The following PCDHGA10 variants were observed in gnomAD, a reference collection of about 807,000 sequenced individuals.
PCDHGA10 encodes protocadherin gamma-A10.
A neutral mutation model predicts 59.5 loss-of-function variants in PCDHGA10; 42 were observed. That is an observed-to-expected ratio of 0.71 (90% confidence interval 0.55 to 0.91). PCDHGA10 has a LOEUF of 0.91. PCDHGA10 is among the 40% of genes least tolerant of loss of function. The pLI is 0.00. For missense variants in PCDHGA10, 1,111 were observed against 1,198.2 expected, an observed-to-expected ratio of 0.93 and a Z score of 1.07; for synonymous variants, 511 against 517.2, an observed-to-expected ratio of 0.99 and a Z score of 0.16.
intron 1 of PCDHGA10, chr5:141,423,599 C>T (rs1185412610): frequency 6.2e-7 from 1 of 1,612,844 alleles, no homozygotes; most frequent in Non-Finnish European, 8.5e-7. Context: ...AAAAGCGAGC[C>T]ACTCTTGATA....
Position 141,491,574 on chromosome 5 carries a change from T to G in PCDHGA10, c.2437-3233T>G. Reference sequence around the variant, plus strand: ...AGAGCCACTGCTACAGGACGTGCTTTTCACCGGCCTCGGACGGCAGTGACT... The same window carrying G: ...AGAGCCACTGCTACAGGACGTGCTTGTCACCGGCCTCGGACGGCAGTGACT... On this transcript the variant is annotated intron_variant, in intron 1 of 3. Transcript: ENST00000398610. This position sits in a 1 kb window ranked among gnomAD's most constrained non-coding sequence, Gnocchi z 6.9. The G allele has an allele frequency of 6.2e-7, 1 of 1,613,956 alleles. No homozygotes were observed. Among genetic ancestry groups the G allele is most frequent in the Non-Finnish European group, 8.5e-7 (1 of 1,180,032 alleles).
Position 141,506,991 on chromosome 5 carries a change from C to T in PCDHGA10, c.2584+1510C>T, listed in dbSNP as rs190455068. 3 of 152,366 alleles carry T rather than the reference C, an allele frequency of 2.0e-5. No homozygotes were observed. In the East Asian group the frequency reaches 5.8e-4, roughly 29 times the overall value. The allele number at this position is 152,366 out of a possible 1,614,324, so 9.4% of individuals were successfully genotyped here. A position where few individuals can be genotyped will look rare whatever the true frequency, so the allele number is the denominator to read the frequency against. The stretch of plus-strand genomic sequence containing the variant: ...TGCAAGGCAGGTCTGATTTCTCACA[C>T]TCGACAGATGAGAGAACCGAGAAGG... On this transcript the variant is annotated intron_variant, in intron 3 of 3. Coordinates refer to ENST00000398610, the MANE Select transcript of PCDHGA10 (RefSeq NM_018913.3).
At chr5:141,483,753 G>A (rs1316976446) in intron 1 of PCDHGA10, among the ~76,000 whole-genome samples, 1 of 152,082 alleles carries the variant, frequency 6.6e-6, no homozygotes, top group Non-Finnish European at 1.5e-5. Flanking sequence ...CCTGAGGATC[G>A]AGGCTTGGAA....
At position 141,485,120 on chromosome 5, in the gene PCDHGA10, G is replaced by T; in HGVS notation, c.2437-9687G>T. The T allele has an allele frequency of 7.4e-7, 1 of 1,348,050 alleles. No individual in the cohort carries two copies. Among genetic ancestry groups the T allele is most frequent in the Non-Finnish European group, 1.0e-6 (1 of 952,710 alleles). 83.5% of individuals were successfully genotyped at this position (1,348,050 alleles called of 1,614,324 possible). On this transcript the variant is annotated intron_variant, in intron 1 of 3. Transcript: ENST00000398610. The surrounding 1 kb of genome is among the most constrained non-coding windows in gnomAD (Gnocchi z 5.7). ...TCCAGCTGCTGTGGCTGTTTGGGGC[G>T]GGTCGGCTTCATCCGCGTCTCAGGA...
At chr5:141,478,173 A>G (rs1397071220) in intron 1 of PCDHGA10, 1 of 1,613,986 alleles carries the variant, frequency 6.2e-7, no homozygotes, top group Non-Finnish European at 8.5e-7. Flanking sequence ...CCCCGGGAGC[A>G]GAAAAAAAAT....
At position 141,490,788 on chromosome 5, in the gene PCDHGA10, C is replaced by G. The variant is rs2099704332; in HGVS notation, c.2437-4019C>G. ...ATGTCAACCCAGAGGATGGACGGAT[C>G]TTTGCCCAGCGTACCTTTGACTATG... On this transcript the variant is annotated intron_variant, in intron 1 of 3. Coordinates refer to ENST00000398610, the MANE Select transcript of PCDHGA10 (RefSeq NM_018913.3). The surrounding 1 kb of genome is among the most constrained non-coding windows in gnomAD (Gnocchi z 5.4). 6.2e-7 allele frequency: 1 copy of G among 1,613,918 alleles called. No homozygotes were observed. The highest frequency in any genetic ancestry group is 1.1e-5 in the South Asian group (1 of 91,084).
chr5:141,499,493 A>G (rs1322531312), intron 2 of PCDHGA10, among the ~76,000 whole-genome samples: 1 of 152,222 alleles, frequency 6.6e-6, no homozygotes, highest in African/African-American at 2.4e-5. Context: ...CTACAGTTTA[A>G]TATGAAACAT....
At chr5:141,482,235 T>C (rs2099554999) in intron 1 of PCDHGA10, among the ~76,000 whole-genome samples, 1 of 152,174 alleles carries the variant, frequency 6.6e-6, no homozygotes, top group Non-Finnish European at 1.5e-5. Context: ...AAATTGCCAA[T>C]ATAAGTATAG....
At chr5:141,454,953 G>A (rs1304192945) in intron 1 of PCDHGA10, among the ~76,000 whole-genome samples, 4 of 150,686 alleles carry the variant, frequency 2.7e-5, no homozygotes, top group Admixed American at 6.6e-5. Context: ...GACTACAGGC[G>A]CCGGCCACCA....
At position 141,423,386 on chromosome 5, in the gene PCDHGA10, G is replaced by C; in HGVS notation, c.2436+7775G>C. ...CTGCTGGCACTCAGGCTGTGGCGCT[G>C]GCATAAGTCACGCCTGCTGCAGGCT... On this transcript the variant is annotated intron_variant, in intron 1 of 3. Transcript: ENST00000398610. The C allele has an allele frequency of 1.9e-6, 3 of 1,614,160 alleles. No homozygotes were observed. The South Asian group carries it at 3.3e-5, about 18-fold the overall frequency.
At chr5:141,496,733 C>T (rs1221912777) in intron 2 of PCDHGA10, among the ~76,000 whole-genome samples, 12 of 152,138 alleles carry the variant, frequency 7.9e-5, no homozygotes, top group African/African-American at 9.7e-5. Context: ...TGTATTCATT[C>T]GTTCATTTAT....
intron 1 of PCDHGA10, among the ~76,000 whole-genome samples, chr5:141,434,448 G>A (rs2097694852): frequency 6.6e-6 from 1 of 152,210 alleles, no homozygotes; most frequent in Non-Finnish European, 1.5e-5. Context: ...CATGCTGGAA[G>A]GTAGTGGGTT....
chr5:141,498,672 C>T (rs1034911993), intron 2 of PCDHGA10, among the ~76,000 whole-genome samples: 3 of 152,218 alleles, frequency 2.0e-5, no homozygotes, highest in South Asian at 4.1e-4. Context: ...TGGCTCACGC[C>T]TGTAATCCCA....
chr5:141,432,746 G>T lies in PCDHGA10; in HGVS notation c.2436+17135G>T, dbSNP rs772043134. The T allele has an allele frequency of 6.2e-7, 1 of 1,614,098 alleles. No individual in the cohort carries two copies. Among genetic ancestry groups the T allele is most frequent in the Non-Finnish European group, 8.5e-7 (1 of 1,179,992 alleles). Reference sequence around the variant, plus strand: ...CTCCGCCACTGTCACGCTCACCGTGGCCGTGGCCGACAGCATCCCCCAAGT... The same window carrying T: ...CTCCGCCACTGTCACGCTCACCGTGTCCGTGGCCGACAGCATCCCCCAAGT... On this transcript the variant is annotated intron_variant, in intron 1 of 3. Transcript: ENST00000398610. This position sits in a 1 kb window ranked among gnomAD's most constrained non-coding sequence, Gnocchi z 6.0.
chr5:141,478,143 A>T (rs759384540), intron 1 of PCDHGA10: 1 of 1,614,014 alleles, frequency 6.2e-7, no homozygotes, highest in Non-Finnish European at 8.5e-7. Flanking sequence ...GCCCGAGCCG[A>T]GTTCCCCTCT....
rs774140980 is a variant in PCDHGA10, at chr5:141,420,167, T to G, written c.2436+4556T>G. On this transcript the variant is annotated intron_variant, in intron 1 of 3. Transcript: ENST00000398610. ...GAATCCAGAATTTAATTTTTTCACA[T>G]CTGTTGATCATTGTCCAGCCACACA... 3 of 1,614,082 alleles carry G rather than the reference T, an allele frequency of 1.9e-6. No homozygotes were observed. The South Asian group carries it at 3.3e-5, about 18-fold the overall frequency.
rs144585584 is a variant in PCDHGA10 at position 141,478,339 on chromosome 5, C to T, written c.2437-16468C>T. 998 of 1,613,918 alleles carry T rather than the reference C, an allele frequency of 6.2e-4. 16 individuals carry two copies. In the East Asian group the frequency reaches 0.019, roughly 31 times the overall value. Reference sequence around the variant, plus strand: ...CACTGTACCGAACACCAGGGCCCTCCTTGCACGCGGACGCCGTGCGGGGAG... The same window carrying T: ...CACTGTACCGAACACCAGGGCCCTCTTTGCACGCGGACGCCGTGCGGGGAG... On this transcript the variant is annotated intron_variant, in intron 1 of 3. Transcript: ENST00000398610.
rs1247067983 is a variant in PCDHGA10, at chr5:141,511,327, C to T, written c.*154C>T. ...CCCTTGGGAAACAGAAACAAGTGCC[C>T]AGTCAGCACCTACCCCTTCCCCCCC... On this transcript the variant is annotated 3_prime_UTR_variant, in exon 4 of 4. Transcript: ENST00000398610. 28 of 1,455,454 alleles carry T rather than the reference C, an allele frequency of 1.9e-5. No individual in the cohort carries two copies. Among genetic ancestry groups the T allele is most frequent in the Admixed American group, 2.4e-5 (1 of 41,734 alleles). 90.2% of individuals were successfully genotyped at this position (1,455,454 alleles called of 1,614,324 possible). A position where few individuals can be genotyped will look rare whatever the true frequency, so the allele number is the denominator to read the frequency against.
At position 141,413,665 on chromosome 5, in the gene PCDHGA10, C is replaced by T. The variant is rs770111467; in HGVS notation, c.490C>T (p.Pro164Ser). 6.2e-7 allele frequency: 1 copy of T among 1,613,726 alleles called. No individual in the cohort carries two copies. The highest frequency in any genetic ancestry group is 2.2e-5 in the East Asian group (1 of 44,884). ...TTTTCCTCTCCCGGAAGCTATTGAT[C>T]CGGATGTGGGCGTGAACTCCCTGCA... ...MRFPLPEAID[P>S]DVGVNSLQSY... Residue 164 changes from proline (P) to serine (S), a missense_variant, in exon 1 of 4, where the codon CCG (proline) becomes TCG (serine). Physicochemically the swap from Pro to Ser is moderately conservative, Grantham distance 74 (BLOSUM62 -1). Coordinates refer to ENST00000398610, the MANE Select transcript of PCDHGA10 (RefSeq NM_018913.3).
Sources: gnomAD v4.1 joint callset for allele counts (sites outside exome capture counted in the v4.1 genomes callset) on GRCh38, gnomAD v4.1.1 for gene constraint, Gnocchi (gnomAD v3.1) non-coding constraint, MANE v1.5 for transcripts, NCBI Gene and HGNC (gene_info 2026-07-23, HGNC 2026-07-21) for gene names.